The following BCO2 variants were observed in gnomAD, a reference collection of about 807,000 sequenced individuals.
BCO2 encodes beta-carotene oxygenase 2, also known as carotenoid-cleaving dioxygenase, mitochondrial.
A neutral mutation model predicts 65.8 loss-of-function variants in BCO2; 56 were observed. The ratio of observed to expected loss-of-function variants is 0.85; its 90% confidence interval spans 0.69 to 1.06. The LOEUF (loss-of-function observed/expected upper bound fraction) is 1.06, where lower values mean the gene tolerates loss of function less well. Ranked by LOEUF, BCO2 falls within the 50% of genes least tolerant of loss-of-function variation. BCO2 has a pLI of 0.00. For synonymous variants in BCO2, 233 were observed against 242.3 expected (o/e 0.96, Z 0.36); for missense variants, 675 against 698.5 (o/e 0.97, Z 0.38).
rs368339019 is a variant in BCO2 at position 112,202,126 on chromosome 11, A to G, written c.1130A>G (p.Asn377Ser). Reference sequence around the variant, plus strand: ...ATAATTGATTTGTGCTGTCAAGATAATGGAAGAACCCTAGAAGTTTACCAG... The same window carrying G: ...ATAATTGATTTGTGCTGTCAAGATAGTGGAAGAACCCTAGAAGTTTACCAG... ...CVIIDLCCQD[N>S]GRTLEVYQLQ... Residue 377 changes from asparagine (N) to serine (S), a missense_variant, in exon 8 of 12, where the codon AAT becomes AGT. By Grantham distance (46) the Asn-to-Ser change is conservative. Coordinates refer to ENST00000357685, the MANE Select transcript of BCO2 (RefSeq NM_031938.7). 8 of 1,614,096 alleles carry G rather than the reference A, an allele frequency of 5.0e-6. No individual in the cohort carries two copies. Among genetic ancestry groups the G allele is most frequent in the South Asian group, 1.1e-5 (1 of 91,072 alleles).
In BCO2 at chr11:112,218,536, G is replaced by T; in HGVS notation, c.*662G>T. 7.5e-6 allele frequency: 2 copies of T among 266,728 alleles called. No individual in the cohort carries two copies. The highest frequency in any genetic ancestry group is 9.0e-5 in the South Asian group (2 of 22,288). 16.5% of individuals were successfully genotyped at this position (266,728 alleles called of 1,614,324 possible). ...CAAGTTGGTGGAGTCCCATGGTGCT[G>T]AACACCAACTCACCCTAATTAAGGT... On this transcript the variant is annotated 3_prime_UTR_variant, in exon 12 of 12. Coordinates refer to ENST00000357685, the MANE Select transcript of BCO2 (RefSeq NM_031938.7).
chr11:112,195,139 ATTT>A (rs200114568), intron 5 of BCO2, among the ~76,000 whole-genome samples: 1 of 143,818 alleles, frequency 7.0e-6, no homozygotes, highest in Non-Finnish European at 1.5e-5. Flanking sequence ...TCTAAACTAC[ATTT>A]TTTTTTTTTT....
At position 112,203,852 on chromosome 11, in the gene BCO2, T is replaced by C. The variant is rs934436390; in HGVS notation, c.1194+1662T>C. The stretch of plus-strand genomic sequence containing the variant: ...CATAAAAATGAGATCATGCAATTTT[T>C]TTTTCTTTTCTTTTTTTTTTGAGAC... On this transcript the variant is annotated intron_variant, in intron 8 of 11. Coordinates refer to ENST00000357685, the MANE Select transcript of BCO2 (RefSeq NM_031938.7). Among the ~76,000 whole-genome samples, 8 of 152,132 alleles carry C rather than the reference T, an allele frequency of 5.3e-5. 1 individual carries two copies. The highest frequency in any genetic ancestry group is 8.8e-5 in the Non-Finnish European group (6 of 68,024).
chr11:112,178,447 C>G (rs969123242), intron 1 of BCO2, among the ~76,000 whole-genome samples: 1 of 152,110 alleles, frequency 6.6e-6, no homozygotes, highest in African/African-American at 2.4e-5. Context: ...AATAGTGTCC[C>G]TATATGTTAG....
At chr11:112,182,623 T>A (rs1237271278) in intron 2 of BCO2, among the ~76,000 whole-genome samples, 5 of 151,776 alleles carry the variant, frequency 3.3e-5, no homozygotes, top group Admixed American at 3.3e-4. Context: ...ATACCGCATG[T>A]TCTCACTCAT....
intron 8 of BCO2, among the ~76,000 whole-genome samples, chr11:112,206,016 A>G (rs992843789): frequency 6.6e-6 from 1 of 152,230 alleles, no homozygotes; most frequent in Admixed American, 6.5e-5. Flanking sequence ...AATATTGAAA[A>G]TGCAAACTTG....
intron 5 of BCO2, among the ~76,000 whole-genome samples, chr11:112,196,034 C>G (rs1867563608): frequency 6.6e-6 from 1 of 152,162 alleles, no homozygotes; most frequent in Non-Finnish European, 1.5e-5. Context: ...GAGAGTCTTG[C>G]AAAGTTCAGC....
At chr11:112,182,464 A>T (rs188435932) in intron 2 of BCO2, among the ~76,000 whole-genome samples, 1,541 of 152,362 alleles carry the variant, frequency 0.01, 34 homozygotes, top group African/African-American at 0.036. Flanking sequence ...ATGTCCATCA[A>T]TGATAGACTG....
At chr11:112,180,368 C>T (rs1215850549) in intron 2 of BCO2, among the ~76,000 whole-genome samples, 1 of 152,130 alleles carries the variant, frequency 6.6e-6, no homozygotes, top group African/African-American at 2.4e-5. Flanking sequence ...TAATTCTCTA[C>T]ACAGTGTTAT....
intron 2 of BCO2, among the ~76,000 whole-genome samples, chr11:112,193,195 G>A (rs1433369655): frequency 2.0e-5 from 3 of 150,962 alleles, no homozygotes; most frequent in African/African-American, 4.9e-5. Context: ...AGCCAGGACG[G>A]TCTTGATCTC....
In BCO2 at chr11:112,213,790, GC is replaced by G; in HGVS notation, c.1265del (p.Pro422LeufsTer6). 6.2e-7 allele frequency: 1 copy of G among 1,613,312 alleles called. No homozygotes were observed. The highest frequency in any genetic ancestry group is 8.5e-7 in the Non-Finnish European group (1 of 1,179,620). On this transcript the variant is annotated frameshift_variant, in exon 9 of 12. Transcript: ENST00000357685. LOFTEE classifies it high-confidence loss of function. ...TTTGCCTTTAAATGTCAGTTTGAAT[GC>G]CCCTGAGGGAGACAACCTGAGTCCA... ...FVLPLNVSLN[A>X]PEGDNLSPLS...
chr11:112,206,995 T>C (rs1467318516), intron 8 of BCO2, among the ~76,000 whole-genome samples: 2 of 152,250 alleles, frequency 1.3e-5, no homozygotes, highest in Non-Finnish European at 2.9e-5. Context: ...TTGCTCTTTA[T>C]AGAAATGCAA....
At position 112,203,916 on chromosome 11, in the gene BCO2, G is replaced by A. The variant is rs769326856; in HGVS notation, c.1194+1726G>A. On this transcript the variant is annotated intron_variant, in intron 8 of 11. Coordinates refer to ENST00000357685, the MANE Select transcript of BCO2 (RefSeq NM_031938.7). ...GCCACTCAGGCTGGAGTGCAGTGGC[G>A]CGATCTCGGCTTACTGCAACCTCTG... 5.3e-5 allele frequency among the ~76,000 whole-genome samples: 8 copies of A among 151,742 alleles called. No homozygotes were observed. The East Asian group carries it at 5.8e-4, about 11-fold the overall frequency.
intron 2 of BCO2, among the ~76,000 whole-genome samples, chr11:112,192,169 G>A (rs1867409418): frequency 6.6e-6 from 1 of 152,080 alleles, no homozygotes; most frequent in Admixed American, 6.5e-5. Flanking sequence ...ATTAACAAGT[G>A]GAATCATACA....
chr11:112,197,048 G>A (rs907455433), intron 5 of BCO2, among the ~76,000 whole-genome samples: 7 of 150,348 alleles, frequency 4.7e-5, no homozygotes, highest in Non-Finnish European at 1.0e-4. Flanking sequence ...TTGCTATGTC[G>A]CTCAGGCTGG....
At chr11:112,217,408 G>C (rs1859711270) in intron 11 of BCO2, among the ~76,000 whole-genome samples, 1 of 152,126 alleles carries the variant, frequency 6.6e-6, no homozygotes, top group Non-Finnish European at 1.5e-5. Flanking sequence ...TGTCACCCAG[G>C]TTGGAGTGCA....
At chr11:112,194,280 A>G (rs1867493369) in intron 4 of BCO2, 1 of 421,332 alleles carries the variant, frequency 2.4e-6, no homozygotes, top group African/African-American at 2.0e-5. Flanking sequence ...TGTTCTTCCT[A>G]GCTATGGTTA....
Position 112,182,469 on chromosome 11 carries a change from A to C in BCO2, c.293+2987A>C, listed in dbSNP as rs543325750. Among the ~76,000 whole-genome samples, 5 of 152,366 alleles carry C rather than the reference A, an allele frequency of 3.3e-5. No homozygotes were observed. The South Asian group carries it at 1.0e-3, about 32-fold the overall frequency. On this transcript the variant is annotated intron_variant, in intron 2 of 11. Transcript: ENST00000357685. ...ACCAACCCAAATGTCCATCAATGAT[A>C]GACTGGACTAAGAAAATGTGGCACA...
intron 2 of BCO2, 131 bp from the exon 3 acceptor site, chr11:112,193,343 A>G (rs957393118): frequency 1.2e-6 from 1 of 842,762 alleles, no homozygotes; most frequent in African/African-American, 1.7e-5. Context: ...AAGTTCTCTG[A>G]CTAATCAGGT....
Sources: gnomAD v4.1 joint callset for allele counts (sites outside exome capture counted in the v4.1 genomes callset) on GRCh38, gnomAD v4.1.1 for gene constraint, MANE v1.5 for transcripts, NCBI Gene and HGNC (gene_info 2026-07-23, HGNC 2026-07-21) for gene names.